GPC6: variants seen among roughly 807,000 people sequenced by gnomAD.
GPC6 encodes glypican 6, also known as glypican-6.
A neutral mutation model predicts 55.2 loss-of-function variants in GPC6; 14 were observed. The observed-to-expected ratio is 0.25, with a 90% CI of 0.17 to 0.40. The LOEUF (loss-of-function observed/expected upper bound fraction) is 0.40. Among genes scored for constraint, GPC6 ranks in the 10% least tolerant of loss-of-function variants. The pLI, the probability that GPC6 is intolerant of heterozygous loss-of-function variation, is 1.00. For missense variants in GPC6, 641 were observed against 708.5 expected (o/e 0.90, Z 1.08); for synonymous variants, 278 against 259.6 (o/e 1.07, Z -0.68).
chr13:93,379,326 A>G (rs145990913), intron 1 of GPC6, among the ~76,000 whole-genome samples: 27 of 152,344 alleles, frequency 1.8e-4, no homozygotes, highest in Admixed American at 5.9e-4. Context: ...TTTATAACCT[A>G]AATATTAAGA....
At chr13:93,531,474 C>G (rs944098212) in intron 1 of GPC6, among the ~76,000 whole-genome samples, 1 of 152,132 alleles carries the variant, frequency 6.6e-6, no homozygotes, top group African/African-American at 2.4e-5. Flanking sequence ...GCGTATAAAA[C>G]CTTTCAACTG....
chr13:94,267,369 A>C (rs542077638), intron 4 of GPC6, among the ~76,000 whole-genome samples: 27 of 152,312 alleles, frequency 1.8e-4, no homozygotes, highest in African/African-American at 3.1e-4. Context: ...AAGAACAAAT[A>C]TATTTTTTCT....
intron 4 of GPC6, among the ~76,000 whole-genome samples, chr13:94,113,098 C>A (rs573035954): frequency 6.6e-6 from 1 of 152,204 alleles, no homozygotes; most frequent in South Asian, 2.1e-4. Flanking sequence ...TTTTCTCAGG[C>A]CTTGGAATAC....
At chr13:93,479,738 G>T (rs548159118) in intron 1 of GPC6, among the ~76,000 whole-genome samples, 1 of 152,164 alleles carries the variant, frequency 6.6e-6, no homozygotes, top group South Asian at 2.1e-4. Context: ...ATTACCTTTA[G>T]GATCACTTGC....
chr13:93,683,478 A>G (rs1358306255), intron 2 of GPC6, among the ~76,000 whole-genome samples: 1 of 152,138 alleles, frequency 6.6e-6, no homozygotes, highest in Admixed American at 6.6e-5. Context: ...AGCAAGTCTA[A>G]TGTATACATC....
chr13:93,888,680 C>A (rs900666104), intron 3 of GPC6, among the ~76,000 whole-genome samples: 10 of 152,110 alleles, frequency 6.6e-5, no homozygotes, highest in South Asian at 6.2e-4. Flanking sequence ...CTGAAGTTGA[C>A]AGGAACATGA....
At chr13:93,309,625 T>A (rs1878994450) in intron 1 of GPC6, among the ~76,000 whole-genome samples, 1 of 152,198 alleles carries the variant, frequency 6.6e-6, no homozygotes, top group Non-Finnish European at 1.5e-5. Flanking sequence ...ACAGCAAGTA[T>A]ATTAACTTGG....
intron 4 of GPC6, among the ~76,000 whole-genome samples, chr13:94,151,670 G>A (rs504825): frequency 0.55 from 83,892 of 151,966 alleles, 25,308 homozygotes; most frequent in Non-Finnish European, 0.66. Flanking sequence ...GCAGAGAGAT[G>A]TCTTTATCCG....
At chr13:93,333,712 A>G (rs1333494876) in intron 1 of GPC6, among the ~76,000 whole-genome samples, 1 of 151,232 alleles carries the variant, frequency 6.6e-6, no homozygotes, top group Non-Finnish European at 1.5e-5. Flanking sequence ...ACATTTCTCT[A>G]TTTTTTGTAG....
At chr13:93,858,932 T>C (rs541992281) in intron 3 of GPC6, among the ~76,000 whole-genome samples, 2 of 151,648 alleles carry the variant, frequency 1.3e-5, no homozygotes, top group East Asian at 3.9e-4. Context: ...TATTATCTAA[T>C]ACTATTAATA....
At chr13:94,112,703 A>G (rs960654811) in intron 4 of GPC6, among the ~76,000 whole-genome samples, 1 of 152,288 alleles carries the variant, frequency 6.6e-6, no homozygotes, top group South Asian at 2.1e-4. Flanking sequence ...TGACTGGCAC[A>G]TCTTTTATGT....
intron 4 of GPC6, among the ~76,000 whole-genome samples, chr13:94,208,836 T>C (rs77387759): frequency 0.012 from 1,866 of 150,020 alleles, 34 homozygotes; most frequent in African/African-American, 0.043. Flanking sequence ...GGAGGATCCC[T>C]GGATCGCTTG....
intron 1 of GPC6, among the ~76,000 whole-genome samples, chr13:93,417,869 C>T (rs1009679349): frequency 5.3e-5 from 8 of 151,952 alleles, no homozygotes; most frequent in Non-Finnish European, 8.8e-5. Flanking sequence ...AAAAAATAAA[C>T]CTTTCCTTCA....
intron 3 of GPC6, among the ~76,000 whole-genome samples, chr13:93,929,698 A>G (rs1878054989): frequency 6.6e-6 from 1 of 152,148 alleles, no homozygotes; most frequent in African/African-American, 2.4e-5. Flanking sequence ...AATGTAGGCC[A>G]TATACATAAT....
intron 2 of GPC6, among the ~76,000 whole-genome samples, chr13:93,577,913 C>A (rs549284851): frequency 6.6e-6 from 1 of 152,028 alleles, no homozygotes. Context: ...GGGTTTTTAT[C>A]ACAAAGGCAT....
intron 3 of GPC6, among the ~76,000 whole-genome samples, chr13:93,909,199 T>C (rs1299747768): frequency 4.6e-5 from 7 of 152,268 alleles, no homozygotes; most frequent in African/African-American, 1.4e-4. Context: ...TACGGACAAC[T>C]TCAATTTCTC....
At chr13:94,131,531 G>C (rs951803152) in intron 4 of GPC6, among the ~76,000 whole-genome samples, 1 of 152,070 alleles carries the variant, frequency 6.6e-6, no homozygotes, top group African/African-American at 2.4e-5. Context: ...GAGAAATGAT[G>C]GTCTTGAGAA....
chr13:93,369,195 T>G (rs1415327911), intron 1 of GPC6, among the ~76,000 whole-genome samples: 1 of 152,056 alleles, frequency 6.6e-6, no homozygotes, highest in Non-Finnish European at 1.5e-5. Flanking sequence ...AATAATCACA[T>G]TAAATATAAA....
chr13:94,211,886 GT>G (rs1222706212), intron 4 of GPC6, among the ~76,000 whole-genome samples: 1 of 152,212 alleles, frequency 6.6e-6, no homozygotes, highest in Non-Finnish European at 1.5e-5. Context: ...AACATTGGAT[GT>G]GTAAGAAATT....
Sources: allele counts gnomAD v4.1 joint callset (sites outside exome capture counted in the v4.1 genomes callset), GRCh38; gene constraint gnomAD v4.1.1; transcripts MANE v1.5; gene names NCBI Gene and HGNC (gene_info 2026-07-23, HGNC 2026-07-21).